The following ST3GAL1 variants were observed in gnomAD, a reference collection of about 807,000 sequenced individuals.
ST3GAL1 encodes CMP-N-acetylneuraminate-beta-galactosamide-alpha-2,3-sialyltransferase 1.
ST3GAL1 carries 16 observed loss-of-function variants against 34.1 expected under a neutral mutation model. The observed-to-expected ratio is 0.47, with a 90% CI of 0.32 to 0.71. The LOEUF (loss-of-function observed/expected upper bound fraction) is 0.71. Ranked by LOEUF, ST3GAL1 falls within the 30% of genes least tolerant of loss-of-function variation. The pLI is 0.04. For synonymous variants in ST3GAL1, 191 were observed against 184.7 expected (o/e 1.03, Z -0.28); for missense variants, 353 against 447.4 (o/e 0.79, Z 1.90).
rs186313534 is a variant in ST3GAL1, at chr8:133,459,418, T to A, written c.*346A>T. 3 of 194,098 alleles carry A rather than the reference T, an allele frequency of 1.5e-5. No homozygotes were observed. Among genetic ancestry groups the A allele is most frequent in the Non-Finnish European group, 3.1e-5 (3 of 96,198 alleles). 12.0% of individuals were successfully genotyped at this position (194,098 alleles called of 1,614,324 possible). On this transcript the variant is annotated 3_prime_UTR_variant, in exon 10 of 10. Transcript: ENST00000522652. The surrounding 1 kb of genome is among the most constrained non-coding windows in gnomAD (Gnocchi z 4.7). ...TGGGAAACTGTCCTGTCTCTCAGAA[T>A]ATAGGCATCTTCCACATTCATTCCC...
Position 133,461,743 on chromosome 8 carries a change from G to C in ST3GAL1, c.849+132C>G. ...GGAGACACATGTTGCAAGTCCTGTCGTAGAGACAGGGAATCCGAGCTTCCG... is the reference window on the plus strand; with the variant it reads ...GGAGACACATGTTGCAAGTCCTGTCCTAGAGACAGGGAATCCGAGCTTCCG... On this transcript the variant is annotated intron_variant, in intron 9 of 9. Coordinates refer to ENST00000522652, the MANE Select transcript of ST3GAL1 (RefSeq NM_173344.3). This position sits in a 1 kb window ranked among gnomAD's most constrained non-coding sequence, Gnocchi z 4.7. The C allele has an allele frequency of 7.7e-7, 1 of 1,304,704 alleles. No homozygotes were observed. 80.8% of individuals were successfully genotyped at this position (1,304,704 alleles called of 1,614,324 possible). A position where few individuals can be genotyped will look rare whatever the true frequency, so the allele number is the denominator to read the frequency against.
intron 2 of ST3GAL1, among the ~76,000 whole-genome samples, chr8:133,537,352 C>G (rs1014222142): frequency 6.6e-6 from 1 of 152,180 alleles, no homozygotes; most frequent in African/African-American, 2.4e-5. Flanking sequence ...TCCCAGGGTA[C>G]AGGGTAGGAC....
chr8:133,528,614 T>C (rs879746489), intron 2 of ST3GAL1, among the ~76,000 whole-genome samples: 12 of 152,388 alleles, frequency 7.9e-5, no homozygotes, highest in Admixed American at 7.2e-4. Flanking sequence ...TTTTTGTAAA[T>C]GAAGTTTTGT....
At chr8:133,546,649 G>T (rs1818680171) in intron 1 of ST3GAL1, among the ~76,000 whole-genome samples, 1 of 152,150 alleles carries the variant, frequency 6.6e-6, no homozygotes, top group Admixed American at 6.6e-5. Context: ...GAATGTGAAA[G>T]TGTGACATCG....
chr8:133,463,324 G>C, intron 8 of ST3GAL1, 90 bp downstream of exon 8: 1 of 1,449,176 alleles, frequency 6.9e-7, no homozygotes, highest in Non-Finnish European at 9.6e-7. Context: ...GGATCTGGGG[G>C]CTGTCTTGCA....
chr8:133,461,930 C>T lies in ST3GAL1; in HGVS notation c.794G>A (p.Arg265Gln), dbSNP rs555635723. The change falls in exon 9 of 10, where the codon CGA becomes CAA. Residue 265 changes from arginine (R) to glutamine (Q), a missense_variant. Transcript: ENST00000522652. This position sits in a 1 kb window ranked among gnomAD's most constrained non-coding sequence, Gnocchi z 4.7. ...CGAGAGGATGCCGGTAGATGGGTAT[C>T]GCCCGTGCCCTTGCAGCCAGTTGTC... is the stretch of plus-strand genomic sequence containing the variant. The part of the protein sequence containing the change: ...VFDNWLQGHG[R>Q]YPSTGILSVI... The T allele has an allele frequency of 7.4e-6, 12 of 1,614,132 alleles. No individual in the cohort carries two copies. In the South Asian group the frequency reaches 1.1e-4, roughly 15 times the overall value.
In ST3GAL1 at chr8:133,504,363, T is replaced by C. The variant is rs564181318; in HGVS notation, c.-428-5174A>G. 4.9e-4 allele frequency among the ~76,000 whole-genome samples: 75 copies of C among 152,352 alleles called. 1 individual carries two copies. In the South Asian group the frequency reaches 0.015, roughly 31 times the overall value. Reference sequence around the variant, plus strand: ...GCTTGGAAGGCAAATGTCAAGTTTCTCTGCTCTTGTGGGTGGATTTACCAA... The same window carrying C: ...GCTTGGAAGGCAAATGTCAAGTTTCCCTGCTCTTGTGGGTGGATTTACCAA... On this transcript the variant is annotated intron_variant, in intron 2 of 9. Transcript: ENST00000522652.
chr8:133,487,292 G>GGT (rs1431891685), intron 3 of ST3GAL1, among the ~76,000 whole-genome samples: 3 of 68,374 alleles, frequency 4.4e-5, no homozygotes, highest in Non-Finnish European at 7.7e-5. Context: ...CAATACTATT[G>GGT]GTATATATAT....
chr8:133,510,898 C>T (rs1026280138), intron 2 of ST3GAL1, among the ~76,000 whole-genome samples: 13 of 152,230 alleles, frequency 8.5e-5, no homozygotes, highest in Non-Finnish European at 1.6e-4. Flanking sequence ...GGGAATGAAG[C>T]AGGTGACTGC....
At chr8:133,480,176 A>G (rs1470125483) in intron 3 of ST3GAL1, among the ~76,000 whole-genome samples, 1 of 152,210 alleles carries the variant, frequency 6.6e-6, no homozygotes, top group African/African-American at 2.4e-5. Context: ...CATGCTCAAT[A>G]CGAGGAGGCA....
rs1026621193 is a variant in ST3GAL1 at position 133,499,162 on chromosome 8, T to G, written c.-401A>C. 1 of 152,292 alleles carries G rather than the reference T, an allele frequency of 6.6e-6. No homozygotes were observed. Among genetic ancestry groups the G allele is most frequent in the African/African-American group, 2.4e-5 (1 of 41,454 alleles). The allele number at this position is 152,292 out of a possible 1,614,324, so 9.4% of individuals were successfully genotyped here. ...GCTGTGTGACCTCAGTGGAGTCTCT[T>G]AACCTCTCTGAACCTCAGTTTCTTC... On this transcript the variant is annotated 5_prime_UTR_variant, in exon 3 of 10. It removes the in-frame stop codon of an upstream open reading frame in the 5' UTR. Coordinates refer to ENST00000522652, the MANE Select transcript of ST3GAL1 (RefSeq NM_173344.3).
intron 2 of ST3GAL1, among the ~76,000 whole-genome samples, chr8:133,534,265 A>G (rs1489942898): frequency 6.6e-6 from 1 of 152,158 alleles, no homozygotes; most frequent in Non-Finnish European, 1.5e-5. Flanking sequence ...AAGTGTTTAC[A>G]TGAATGCCAT....
At position 133,570,094 on chromosome 8, in the gene ST3GAL1, C is replaced by T. The variant is rs1819523551; in HGVS notation, c.-582+1599G>A. 1 of 152,524 alleles carries T rather than the reference C, an allele frequency of 6.6e-6. No individual in the cohort carries two copies. Among genetic ancestry groups the T allele is most frequent in the East Asian group, 1.9e-4 (1 of 5,186 alleles). The allele number at this position is 152,524 out of a possible 1,614,324, so 9.4% of individuals were successfully genotyped here. A position where few individuals can be genotyped will look rare whatever the true frequency, so the allele number is the denominator to read the frequency against. The stretch of plus-strand genomic sequence containing the variant: ...GGCGCCCTGGCGACTATTGGAAAAC[C>T]CGGCTCCCCTCTCACCCCGTTTTCC... On this transcript the variant is annotated intron_variant, in intron 1 of 9. Transcript: ENST00000522652. This position sits in a 1 kb window ranked among gnomAD's most constrained non-coding sequence, Gnocchi z 5.6.
In ST3GAL1 at chr8:133,509,038, T is replaced by C. The variant is rs563918838; in HGVS notation, c.-428-9849A>G. Among the ~76,000 whole-genome samples, 5 of 152,342 alleles carry C rather than the reference T, an allele frequency of 3.3e-5. No homozygotes were observed. In the East Asian group the frequency reaches 9.6e-4, roughly 29 times the overall value. ...GGGAGACATCTCAGGCTTGTCACAG[T>C]TCTTTACAGTTACTAGCCTCATGTG... is the stretch of plus-strand genomic sequence containing the variant. On this transcript the variant is annotated intron_variant, in intron 2 of 9. Transcript: ENST00000522652.
chr8:133,571,516 C>G lies in ST3GAL1; in HGVS notation c.-582+177G>C, dbSNP rs1025788872. Among the ~76,000 whole-genome samples the G allele has an allele frequency of 2.6e-5, 4 of 152,158 alleles. No individual in the cohort carries two copies. The highest frequency in any genetic ancestry group is 9.7e-5 in the African/African-American group (4 of 41,432). The stretch of plus-strand genomic sequence containing the variant: ...ATGTCTTCCACTAGAATCCCGGGGT[C>G]TTCAGTCCCAGCTCCACTGTCACAC... On this transcript the variant is annotated intron_variant, in intron 1 of 9. Transcript: ENST00000522652. The surrounding 1 kb of genome is among the most constrained non-coding windows in gnomAD (Gnocchi z 6.7).
intron 1 of ST3GAL1, among the ~76,000 whole-genome samples, chr8:133,559,776 C>G (rs1207339110): frequency 6.6e-6 from 1 of 152,192 alleles, no homozygotes; most frequent in Admixed American, 6.5e-5. Context: ...CCAAGAGGCT[C>G]CCATCTAGCT....
At chr8:133,559,294 A>G (rs933590375) in intron 1 of ST3GAL1, among the ~76,000 whole-genome samples, 2 of 152,206 alleles carry the variant, frequency 1.3e-5, no homozygotes, top group African/African-American at 4.8e-5. Flanking sequence ...CTGTGGTCCA[A>G]GGATCATGTT....
intron 1 of ST3GAL1, among the ~76,000 whole-genome samples, chr8:133,559,035 T>TG (rs1554620839): frequency 6.7e-6 from 1 of 149,148 alleles, no homozygotes; most frequent in Non-Finnish European, 1.5e-5. Flanking sequence ...GAGTGTGGTT[T>TG]TGTGTGTGTG....
intron 2 of ST3GAL1, among the ~76,000 whole-genome samples, chr8:133,540,836 G>GAGACATATATATAGAGACATATATATAT (rs1563734034): frequency 4.1e-5 from 2 of 48,380 alleles, no homozygotes; most frequent in African/African-American, 1.8e-4. Flanking sequence ...CATATATATA[G>GAGACATATATATAGAGACATATATATAT]AGAGACATAT....
Sources: allele counts gnomAD v4.1 joint callset (sites outside exome capture counted in the v4.1 genomes callset), GRCh38; gene constraint gnomAD v4.1.1; non-coding constraint Gnocchi (gnomAD v3.1); transcripts MANE v1.5; gene names NCBI Gene and HGNC (gene_info 2026-07-23, HGNC 2026-07-21).